Variants in IL12B observed in about 807,000 individuals in gnomAD.
IL12B encodes the protein interleukin-12 subunit beta.
IL12B carries 27 observed loss-of-function variants against 39.2 expected under a neutral mutation model. The ratio of observed to expected loss-of-function variants is 0.69; its 90% CI spans 0.51 to 0.95. The LOEUF (loss-of-function observed/expected upper bound fraction) is 0.95. IL12B is among the 40% of genes least tolerant of loss of function. The pLI is 0.00. For synonymous variants in IL12B, 142 were observed against 152.1 expected (o/e 0.93, Z 0.49); for missense variants, 351 against 397.6 (o/e 0.88, Z 1.00).
At position 159,318,757 on chromosome 5, in the gene IL12B, C is replaced by T; in HGVS notation, c.834G>A (p.Gln278=). 1.2e-6 allele frequency: 2 copies of T among 1,614,116 alleles called. No homozygotes were observed. The highest frequency in any genetic ancestry group is 1.7e-6 in the Non-Finnish European group (2 of 1,180,018). The change falls in exon 6 of 8, where the codon CAG becomes CAA. Residue 278 remains glutamine, a synonymous_variant. Transcript: ENST00000231228. ...TTACCTTTTCTCTCTTGCTCTTGCC[C>T]TGGACCTGAACGCAGAATGTCAGGG... ...YFSLTFCVQV[Q]GKSKREKKDR...
At chr5:159,325,709 G>A (rs1378923421) in intron 2 of IL12B, 1 of 152,210 alleles carries the variant, frequency 6.6e-6, no homozygotes, top group Admixed American at 6.5e-5. Context: ...TCCAACATCT[G>A]TAAAATGGGA....
At chr5:159,316,564 C>A in intron 7 of IL12B, 121 bp downstream of exon 7, 1 of 1,007,026 alleles carries the variant, frequency 9.9e-7, no homozygotes, top group Non-Finnish European at 1.5e-6. Context: ...GTTTCTGATT[C>A]TGGCAACTGG....
chr5:159,320,571 C>T (rs749313815), intron 4 of IL12B, 51 bp from the exon 5 acceptor site: 1 of 1,473,836 alleles, frequency 6.8e-7, no homozygotes, highest in Non-Finnish European at 9.5e-7. Context: ...GGAGAGAGTT[C>T]CTAGTGATTG....
chr5:159,326,669 A>G (rs1754195250), intron 2 of IL12B, 26 bp downstream of exon 2: 1 of 1,538,384 alleles, frequency 6.5e-7, no homozygotes, highest in Non-Finnish European at 9.0e-7. Context: ...TGGGGCCTCC[A>G]CAGAGAATAA....
In IL12B at chr5:159,324,017, C is replaced by T. The variant is rs145653492; in HGVS notation, c.89-688G>A. ...TCAGCCAACTGTACAGAGAAACTCT[C>T]TTAACAATTTTCCATGGATATTTAA... On this transcript the variant is annotated intron_variant, in intron 2 of 7. Transcript: ENST00000231228. 1.0e-3 allele frequency among the ~76,000 whole-genome samples: 158 copies of T among 152,144 alleles called. 1 individual carries two copies. Among genetic ancestry groups the T allele is most frequent in the East Asian group, 7.0e-3 (36 of 5,178 alleles).
chr5:159,328,525 CT>C (rs1754228368), intron 1 of IL12B, among the ~76,000 whole-genome samples: 1 of 152,196 alleles, frequency 6.6e-6, no homozygotes, highest in Admixed American at 6.5e-5. Context: ...AACATATTAA[CT>C]TGAACCTAGA....
intron 2 of IL12B, among the ~76,000 whole-genome samples, chr5:159,326,234 C>T (rs1754185633): frequency 6.6e-6 from 1 of 152,120 alleles, no homozygotes; most frequent in African/African-American, 2.4e-5. Context: ...AGGACTTGAA[C>T]CCAAGTCAAT....
Position 159,320,499 on chromosome 5 carries a change from C to A in IL12B, c.504G>T (p.Val168=). ...SSRGSSDPQG[V]TCGAATLSAE... ...CAGAGAGTGTAGCAGCTCCGCACGT[C>A]ACCCCTTGGGGGTCAGAAGAGCTGA... The change falls in exon 5 of 8, where the codon GTG becomes GTT. Residue 168 remains valine, a synonymous_variant. Transcript: ENST00000231228. 1 of 1,614,100 alleles carries A rather than the reference C, an allele frequency of 6.2e-7. No individual in the cohort carries two copies. The highest frequency in any genetic ancestry group is 1.1e-5 in the South Asian group (1 of 91,064).
chr5:159,323,451 C>T, intron 2 of IL12B, 122 bp from the exon 3 acceptor site: 1 of 905,446 alleles, frequency 1.1e-6, no homozygotes, highest in Admixed American at 2.0e-5. Flanking sequence ...AAGTATTTGG[C>T]AAATGCTTGC....
rs1170180552 is a variant in IL12B, at chr5:159,315,816, A to T, written c.*285T>A. ...ACATCCTGGCAGACAAACGTTAAAT[A>T]ACAGTAATATACTAATAAATACATA... On this transcript the variant is annotated 3_prime_UTR_variant, in exon 8 of 8. Coordinates refer to ENST00000231228, the MANE Select transcript of IL12B (RefSeq NM_002187.3). The T allele has an allele frequency of 2.6e-5, 4 of 152,704 alleles. No homozygotes were observed. Among genetic ancestry groups the T allele is most frequent in the African/African-American group, 4.8e-5 (2 of 41,452 alleles). 9.5% of individuals were successfully genotyped at this position (152,704 alleles called of 1,614,324 possible).
At chr5:159,328,042 T>A (rs533640575) in intron 1 of IL12B, among the ~76,000 whole-genome samples, 1 of 152,302 alleles carries the variant, frequency 6.6e-6, no homozygotes, top group East Asian at 1.9e-4. Context: ...ACTGTTTCAG[T>A]CAAATACCTT....
intron 2 of IL12B, among the ~76,000 whole-genome samples, chr5:159,325,105 G>A (rs1487533114): frequency 3.3e-5 from 5 of 152,180 alleles, no homozygotes; most frequent in African/African-American, 1.2e-4. Flanking sequence ...AAGCTGAAGA[G>A]GAGCATCAAG....
At chr5:159,317,115 T>A (rs1379477650) in intron 6 of IL12B, among the ~76,000 whole-genome samples, 1 of 152,172 alleles carries the variant, frequency 6.6e-6, no homozygotes, top group Admixed American at 6.5e-5. Context: ...AGTCCTGAGC[T>A]GATGGTGAGA....
At chr5:159,327,963 G>T (rs1754219820) in intron 1 of IL12B, among the ~76,000 whole-genome samples, 2 of 152,186 alleles carry the variant, frequency 1.3e-5, no homozygotes, top group South Asian at 4.1e-4. Flanking sequence ...TCACCTTGCA[G>T]AGCACCCATG....
chr5:159,316,308 G>A (rs1323117966), intron 7 of IL12B, among the ~76,000 whole-genome samples: 2 of 152,184 alleles, frequency 1.3e-5, no homozygotes, highest in Non-Finnish European at 2.9e-5. Context: ...ATCTGATTGT[G>A]TTACTTCCTT....
Position 159,320,560 on chromosome 5 carries a change from G to C in IL12B, c.483-40C>G, listed in dbSNP as rs751469954. On this transcript the variant is annotated intron_variant, in intron 4 of 7. Coordinates refer to ENST00000231228, the MANE Select transcript of IL12B (RefSeq NM_002187.3). ...AGAAATTAGCCTGTGTTACACATTGGGGAGAGAGTTCCTAGTGATTGTAGC... is the reference window on the plus strand; with the variant it reads ...AGAAATTAGCCTGTGTTACACATTGCGGAGAGAGTTCCTAGTGATTGTAGC... The C allele has an allele frequency of 2.0e-6, 3 of 1,520,724 alleles. No homozygotes were observed. The African/African-American group carries it at 4.1e-5, about 21-fold the overall frequency. The allele number at this position is 1,520,724 out of a possible 1,614,324, so 94.2% of individuals were successfully genotyped here.
At chr5:159,318,686 G>T in intron 6 of IL12B, 50 bp downstream of exon 6, 1 of 1,519,670 alleles carries the variant, frequency 6.6e-7, no homozygotes, top group Non-Finnish European at 9.1e-7. Context: ...TTTATGGTGG[G>T]CCTCCGTAAA....
intron 6 of IL12B, 39 bp downstream of exon 6, chr5:159,318,697 A>G (rs1409181516): frequency 6.2e-7 from 1 of 1,606,888 alleles, no homozygotes; most frequent in Admixed American, 1.7e-5. Flanking sequence ...CCTCCGTAAA[A>G]CTGACCAAGG....
intron 7 of IL12B, 35 bp downstream of exon 7, chr5:159,316,650 T>G: frequency 1.3e-6 from 2 of 1,598,012 alleles, no homozygotes; most frequent in Middle Eastern, 2.1e-4. Flanking sequence ...GCACTGAGAG[T>G]GCAGGCCTGG....
Sources: gnomAD v4.1 joint callset for allele counts (sites outside exome capture counted in the v4.1 genomes callset) on GRCh38, gnomAD v4.1.1 for gene constraint, MANE v1.5 for transcripts, NCBI Gene and HGNC (gene_info 2026-07-23, HGNC 2026-07-21) for gene names.